URB1: variants seen among roughly 807,000 people sequenced by gnomAD.
The protein encoded by URB1 is nucleolar pre-ribosomal-associated protein 1.
In URB1, 197 loss-of-function variants were observed where a neutral mutation model predicts 242.3. That is an observed-to-expected ratio of 0.81 (90% CI 0.72 to 0.91). The LOEUF (loss-of-function observed/expected upper bound fraction) is 0.91, where lower values mean the gene tolerates loss of function less well. Ranked by LOEUF, URB1 falls within the 40% of genes least tolerant of loss-of-function variation. URB1 has a pLI of 0.00. For synonymous variants in URB1, 1,153 were observed against 1,201.8 expected, an observed-to-expected ratio of 0.96 and a Z score of 0.84; for missense variants, 2,721 against 2,860.5, an observed-to-expected ratio of 0.95 and a Z score of 1.11.
At chr21:32,350,260 C>T (rs570092986) in intron 20 of URB1, among the ~76,000 whole-genome samples, 1 of 152,232 alleles carries the variant, frequency 6.6e-6, no homozygotes, top group Non-Finnish European at 1.5e-5. Flanking sequence ...ATGGTGAGAA[C>T]CCATCTCTTC....
intron 10 of URB1, among the ~76,000 whole-genome samples, chr21:32,365,348 G>A (rs958633233): frequency 6.6e-6 from 1 of 152,172 alleles, no homozygotes; most frequent in Non-Finnish European, 1.5e-5. Context: ...CTACTCAGGG[G>A]GCTGAGGTGT....
chr21:32,387,600 C>CAAAAAA (rs764839350), intron 1 of URB1, among the ~76,000 whole-genome samples: 1 of 124,780 alleles, frequency 8.0e-6, no homozygotes, highest in Admixed American at 8.3e-5. Flanking sequence ...TCACCTTATT[C>CAAAAAA]AAAAAAAAAA....
chr21:32,338,115 T>C (rs1227422796), intron 26 of URB1, among the ~76,000 whole-genome samples: 3 of 152,232 alleles, frequency 2.0e-5, no homozygotes, highest in African/African-American at 7.2e-5. Context: ...CCTGTGGTGA[T>C]TGCTAATACT....
At chr21:32,333,139 A>C (rs760000062) in intron 30 of URB1, 178 bp downstream of exon 30, 35 of 621,044 alleles carry the variant, frequency 5.6e-5, no homozygotes, top group Admixed American at 5.0e-4. Context: ...CAAAATACTA[A>C]CTGTGACTTT....
At chr21:32,349,930 A>G (rs2033138045) in intron 20 of URB1, among the ~76,000 whole-genome samples, 1 of 150,190 alleles carries the variant, frequency 6.7e-6, no homozygotes. Flanking sequence ...CCCCATCTCT[A>G]CTAAAAATAC....
intron 21 of URB1, 118 bp from the exon 22 acceptor site, chr21:32,347,929 C>T (rs578052023): frequency 7.1e-7 from 1 of 1,400,702 alleles, no homozygotes; most frequent in Admixed American, 2.8e-5. Flanking sequence ...GGCCCCTTTC[C>T]TAATCCATTC....
chr21:32,320,631 G>T lies in URB1; in HGVS notation c.5494C>A (p.Leu1832Met). ...LCDEAAQNWI[L>M]EILQNAAQVA... ...TGGGCAGCATTCTGTAGAATTTCCAGAATCCAATTCTGAAAACCCCAAACA... is the reference window on the plus strand; with the variant it reads ...TGGGCAGCATTCTGTAGAATTTCCATAATCCAATTCTGAAAACCCCAAACA... Residue 1832 changes from leucine (L) to methionine (M), a missense_variant, in exon 35 of 39, where the codon CTG becomes ATG. Coordinates refer to ENST00000382751, the MANE Select transcript of URB1 (RefSeq NM_014825.3). The T allele has an allele frequency of 5.8e-6, 9 of 1,551,320 alleles. No individual in the cohort carries two copies. Among genetic ancestry groups the T allele is most frequent in the African/African-American group, 1.4e-5 (1 of 73,130 alleles).
chr21:32,324,125 G>A (rs1475043648), intron 32 of URB1, among the ~76,000 whole-genome samples: 3 of 152,206 alleles, frequency 2.0e-5, no homozygotes, highest in Non-Finnish European at 4.4e-5. Flanking sequence ...TCCCTATGAT[G>A]TGATTGGCCC....
chr21:32,350,652 G>C (rs532814082), intron 20 of URB1, 52 bp downstream of exon 20: 3 of 1,532,408 alleles, frequency 2.0e-6, no homozygotes, highest in South Asian at 2.4e-5. Context: ...AGAAGGCTTA[G>C]CTCTCTGGTG....
At position 32,312,207 on chromosome 21, in the gene URB1, G is replaced by A. The variant is rs1383682509; in HGVS notation, c.*2711C>T. ...CATCCCAGGTGTTGCTGAGTTTATT[G>A]AGCACACCTAGCCTGCTTGCTTACT... is the stretch of plus-strand genomic sequence containing the variant. On this transcript the variant is annotated 3_prime_UTR_variant, in exon 39 of 39. Transcript: ENST00000382751. The A allele has an allele frequency of 6.1e-6, 9 of 1,483,508 alleles. No homozygotes were observed. The highest frequency in any genetic ancestry group is 2.7e-5 in the South Asian group (2 of 74,748). The allele number at this position is 1,483,508 out of a possible 1,614,324, so 91.9% of individuals were successfully genotyped here. A position where few individuals can be genotyped will look rare whatever the true frequency, so the allele number is the denominator to read the frequency against.
chr21:32,311,906 C>A lies in URB1; in HGVS notation c.*3012G>T. 1 of 1,613,932 alleles carries A rather than the reference C, an allele frequency of 6.2e-7. No homozygotes were observed. The highest frequency in any genetic ancestry group is 8.5e-7 in the Non-Finnish European group (1 of 1,180,030). On this transcript the variant is annotated 3_prime_UTR_variant, in exon 39 of 39. Transcript: ENST00000382751. ...GTTTCCAGACCCACCCCACTCTCCTCTGGGAACTGACCCTCAATGGGGGTC... is the reference window on the plus strand; with the variant it reads ...GTTTCCAGACCCACCCCACTCTCCTATGGGAACTGACCCTCAATGGGGGTC...
chr21:32,361,188 A>G (rs532762635), intron 12 of URB1, 65 bp from the exon 13 acceptor site: 2 of 888,826 alleles, frequency 2.3e-6, no homozygotes, highest in Admixed American at 3.0e-5. Context: ...AGAAAGAAAG[A>G]AAGAAAGAAA....
Position 32,314,431 on chromosome 21 carries a change from C to T in URB1, c.*487G>A, listed in dbSNP as rs1007601819. The T allele has an allele frequency of 1.5e-5, 13 of 845,310 alleles. No homozygotes were observed. The highest frequency in any genetic ancestry group is 2.2e-5 in the Non-Finnish European group (11 of 503,892). 52.4% of individuals were successfully genotyped at this position (845,310 alleles called of 1,614,324 possible). A position where few individuals can be genotyped will look rare whatever the true frequency, so the allele number is the denominator to read the frequency against. On this transcript the variant is annotated 3_prime_UTR_variant, in exon 39 of 39. Coordinates refer to ENST00000382751, the MANE Select transcript of URB1 (RefSeq NM_014825.3). ...AACTCCTGACCTCAGGTGATTCACCCGCCTTGGCCTCCCAAAGTGCTGGGA... is the reference window on the plus strand; with the variant it reads ...AACTCCTGACCTCAGGTGATTCACCTGCCTTGGCCTCCCAAAGTGCTGGGA...
intron 34 of URB1, 109 bp from the exon 35 acceptor site, chr21:32,320,749 C>T (rs758840120): frequency 1.3e-5 from 10 of 791,070 alleles, no homozygotes; most frequent in Non-Finnish European, 2.1e-5. Flanking sequence ...GTGGTGGCTG[C>T]AAATGAAGCC....
chr21:32,337,585 C>A (rs1274245922), intron 26 of URB1, 71 bp from the exon 27 acceptor site: 1 of 1,304,520 alleles, frequency 7.7e-7, no homozygotes, highest in African/African-American at 1.5e-5. Context: ...GAGGAGAGAG[C>A]CTTCCAGGCA....
chr21:32,381,865 G>A (rs959576695), intron 4 of URB1, among the ~76,000 whole-genome samples: 4 of 152,208 alleles, frequency 2.6e-5, no homozygotes, highest in African/African-American at 9.7e-5. Flanking sequence ...TGGTACAGGG[G>A]TTCCTCACGC....
At chr21:32,347,847 A>C (rs1183685715) in intron 21 of URB1, 36 bp from the exon 22 acceptor site, 17 of 1,512,622 alleles carry the variant, frequency 1.1e-5, no homozygotes, top group Non-Finnish European at 1.4e-5. Flanking sequence ...CGTCACATAG[A>C]GCACAGGGCT....
In URB1 at chr21:32,368,359, C is replaced by T. The variant is rs776716716; in HGVS notation, c.1197+44G>A. On this transcript the variant is annotated intron_variant, in intron 9 of 38. Coordinates refer to ENST00000382751, the MANE Select transcript of URB1 (RefSeq NM_014825.3). ...CTGGGATTACAGGCATGAGCCACCA[C>T]GCCCAGCTTAGCTAACAGACTTTTA... 2.2e-5 allele frequency: 33 copies of T among 1,482,250 alleles called. 1 individual carries two copies. In the South Asian group the frequency reaches 2.9e-4, roughly 13 times the overall value. The allele number at this position is 1,482,250 out of a possible 1,614,324, so 91.8% of individuals were successfully genotyped here.
rs148051555 is a variant in URB1 at position 32,376,163 on chromosome 21, A to G, written c.665-680T>C. 1.2e-3 allele frequency among the ~76,000 whole-genome samples: 180 copies of G among 152,312 alleles called. 1 individual carries two copies. In the South Asian group the frequency reaches 0.013, roughly 11 times the overall value. Reference sequence around the variant, plus strand: ...CTAATACAATTTCTCTCTTGCTTAGACTTGCTGAGATGTGTTTAAAGAGAT... The same window carrying G: ...CTAATACAATTTCTCTCTTGCTTAGGCTTGCTGAGATGTGTTTAAAGAGAT... On this transcript the variant is annotated intron_variant, in intron 5 of 38. Transcript: ENST00000382751.
Sources: allele counts gnomAD v4.1 joint callset (sites outside exome capture counted in the v4.1 genomes callset), GRCh38; gene constraint gnomAD v4.1.1; transcripts MANE v1.5; gene names NCBI Gene and HGNC (gene_info 2026-07-23, HGNC 2026-07-21).